AKIRIN2: variants seen among roughly 807,000 people sequenced by gnomAD.
The protein encoded by AKIRIN2 is akirin-2.
In AKIRIN2, 6 loss-of-function variants were observed where a neutral mutation model predicts 29.3. That is an observed-to-expected ratio of 0.20 (90% CI 0.11 to 0.40). The LOEUF (loss-of-function observed/expected upper bound fraction) is 0.40, where lower values mean the gene tolerates loss of function less well. Among genes scored for constraint, AKIRIN2 ranks in the 10% least tolerant of loss-of-function variants. The probability of loss-of-function intolerance (pLI) is 1.00; values close to 1 mark genes in which losing one functional copy is unlikely to be tolerated. For missense variants in AKIRIN2, 210 were observed against 276.1 expected, an observed-to-expected ratio of 0.76 and a Z score of 1.70; for synonymous variants, 128 against 117.5, an observed-to-expected ratio of 1.09 and a Z score of -0.58.
At position 87,701,602 on chromosome 6, in the gene AKIRIN2, G is replaced by C. The variant is rs768403412; in HGVS notation, c.83C>G (p.Ala28Gly). The change falls in exon 1 of 5, where the codon GCG becomes GGG. Residue 28 changes from alanine (A) to glycine (G), a missense_variant. By Grantham distance (60) the Ala-to-Gly change is moderately conservative. Coordinates refer to ENST00000257787, the MANE Select transcript of AKIRIN2 (RefSeq NM_018064.4). Reference sequence around the variant, plus strand: ...GGCCGAGGTGGGCGCCGACAATGGCGCACATCGCCTGCGCTTCGGGGACGC... The same window carrying C: ...GGCCGAGGTGGGCGCCGACAATGGCCCACATCGCCTGCGCTTCGGGGACGC... ...SPASPKRRRCAPLSAPTSAAA... is the reference protein window; with the variant it reads ...SPASPKRRRCGPLSAPTSAAA... 187 of 1,439,544 alleles carry C rather than the reference G, an allele frequency of 1.3e-4. No homozygotes were observed. Among genetic ancestry groups the C allele is most frequent in the Non-Finnish European group, 1.6e-4 (177 of 1,099,094 alleles). 89.2% of individuals were successfully genotyped at this position (1,439,544 alleles called of 1,614,324 possible).
intron 3 of AKIRIN2, 148 bp downstream of exon 3, chr6:87,677,667 TAAG>T (rs928413646): frequency 1.5e-5 from 14 of 908,882 alleles, no homozygotes; most frequent in African/African-American, 1.2e-4. Context: ...GCATGAGCTA[TAAG>T]AAGGTTAATT....
At chr6:87,695,506 C>G (rs759942041) in intron 1 of AKIRIN2, among the ~76,000 whole-genome samples, 11 of 152,300 alleles carry the variant, frequency 7.2e-5, no homozygotes, top group Non-Finnish European at 1.6e-4. Flanking sequence ...TTTTTAAAAG[C>G]AGGCGGTGCT....
intron 1 of AKIRIN2, among the ~76,000 whole-genome samples, chr6:87,701,102 GAAT>G (rs1771454281): frequency 6.6e-6 from 1 of 151,934 alleles, no homozygotes; most frequent in African/African-American, 2.4e-5. Context: ...CTAAATTTAC[GAAT>G]AATATCGTCC....
intron 1 of AKIRIN2, among the ~76,000 whole-genome samples, chr6:87,696,129 G>A (rs1395696712): frequency 6.6e-6 from 1 of 152,170 alleles, no homozygotes; most frequent in East Asian, 1.9e-4. Context: ...AGTGAGCCGA[G>A]ATTGTGCTGC....
chr6:87,700,393 G>C (rs867427416), intron 1 of AKIRIN2: 1 of 152,120 alleles, frequency 6.6e-6, no homozygotes, highest in African/African-American at 2.4e-5. Context: ...TTTGTCTAAA[G>C]GGTGATATTA....
chr6:87,680,247 C>T (rs1771095350), intron 2 of AKIRIN2, among the ~76,000 whole-genome samples: 1 of 150,674 alleles, frequency 6.6e-6, no homozygotes, highest in Non-Finnish European at 1.5e-5. Flanking sequence ...TTCATGTTTC[C>T]TAATCTAATT....
chr6:87,675,465 G>A lies in AKIRIN2; in HGVS notation c.*132C>T, dbSNP rs1396937790. 7.7e-7 allele frequency: 1 copy of A among 1,291,340 alleles called. No individual in the cohort carries two copies. The highest frequency in any genetic ancestry group is 1.9e-5 in the Admixed American group (1 of 51,984). The allele number at this position is 1,291,340 out of a possible 1,614,324, so 80.0% of individuals were successfully genotyped here. A position where few individuals can be genotyped will look rare whatever the true frequency, so the allele number is the denominator to read the frequency against. On this transcript the variant is annotated 3_prime_UTR_variant, in exon 5 of 5. Coordinates refer to ENST00000257787, the MANE Select transcript of AKIRIN2 (RefSeq NM_018064.4). ...AACCAGTTGCTGCTGCCTAAGAGTGGTTGCCACTGACGAAAGCTTGAAATA... is the reference window on the plus strand; with the variant it reads ...AACCAGTTGCTGCTGCCTAAGAGTGATTGCCACTGACGAAAGCTTGAAATA...
At chr6:87,691,441 A>T (rs56734830) in intron 1 of AKIRIN2, among the ~76,000 whole-genome samples, 9,566 of 45,780 alleles carry the variant, frequency 0.21, 266 homozygotes, top group African/African-American at 0.3. Context: ...ACCTCATCTT[A>T]AAAAAAAAAA....
In AKIRIN2 at chr6:87,701,945, G is replaced by A. The variant is rs1381004419; in HGVS notation, c.-261C>T. ...CAGAAGCACACGCCAGTCGCGTCAG[G>A]GGGGTTCTTCCGCCTCCTCAGGCGC... On this transcript the variant is annotated 5_prime_UTR_variant, in exon 1 of 5. Coordinates refer to ENST00000257787, the MANE Select transcript of AKIRIN2 (RefSeq NM_018064.4). The A allele has an allele frequency of 1.5e-5, 6 of 405,478 alleles. No individual in the cohort carries two copies. The highest frequency in any genetic ancestry group is 2.6e-5 in the Non-Finnish European group (6 of 229,738). 25.1% of individuals were successfully genotyped at this position (405,478 alleles called of 1,614,324 possible).
Position 87,701,938 on chromosome 6 carries a change from G to T in AKIRIN2, c.-254C>A. On this transcript the variant is annotated 5_prime_UTR_variant, in exon 1 of 5. Transcript: ENST00000257787. ...TGGCGGGCAGAAGCACACGCCAGTC[G>T]CGTCAGGGGGGTTCTTCCGCCTCCT... is the stretch of plus-strand genomic sequence containing the variant. 1 of 406,178 alleles carries T rather than the reference G, an allele frequency of 2.5e-6. No homozygotes were observed. The highest frequency in any genetic ancestry group is 4.3e-6 in the Non-Finnish European group (1 of 230,052). 25.2% of individuals were successfully genotyped at this position (406,178 alleles called of 1,614,324 possible).
At chr6:87,683,554 A>G (rs1043054770) in intron 1 of AKIRIN2, among the ~76,000 whole-genome samples, 1 of 152,246 alleles carries the variant, frequency 6.6e-6, no homozygotes, top group African/African-American at 2.4e-5. Flanking sequence ...GAGGTACCCA[A>G]TAAAACTAAT....
intron 3 of AKIRIN2, among the ~76,000 whole-genome samples, chr6:87,676,887 T>G (rs562148575): frequency 6.6e-6 from 1 of 151,056 alleles, no homozygotes; most frequent in South Asian, 2.1e-4. Flanking sequence ...CCATCCTGGC[T>G]AACACGGTGA....
intron 1 of AKIRIN2, among the ~76,000 whole-genome samples, chr6:87,690,397 T>C (rs2128302195): frequency 6.6e-6 from 1 of 152,320 alleles, no homozygotes; most frequent in East Asian, 1.9e-4. Context: ...GAATGGTTTT[T>C]GCAGTTGTCA....
intron 1 of AKIRIN2, among the ~76,000 whole-genome samples, chr6:87,695,709 A>G (rs575510664): frequency 1.6e-4 from 25 of 152,344 alleles, no homozygotes; most frequent in African/African-American, 6.0e-4. Context: ...CAACTATTCA[A>G]GAGGCCCAAA....
chr6:87,696,258 T>A (rs1771360429), intron 1 of AKIRIN2, among the ~76,000 whole-genome samples: 1 of 152,146 alleles, frequency 6.6e-6, no homozygotes, highest in African/African-American at 2.4e-5. Context: ...AAGAAATTTA[T>A]ATTATTCTCC....
chr6:87,684,869 A>C (rs536477389), intron 1 of AKIRIN2, among the ~76,000 whole-genome samples: 1 of 152,296 alleles, frequency 6.6e-6, no homozygotes, highest in African/African-American at 2.4e-5. Context: ...TCTTGGATAA[A>C]TACCTAGGAG....
chr6:87,693,971 A>G (rs1296864408), intron 1 of AKIRIN2, among the ~76,000 whole-genome samples: 2 of 152,188 alleles, frequency 1.3e-5, no homozygotes, highest in Non-Finnish European at 2.9e-5. Flanking sequence ...GGAACAAGAC[A>G]ATCTCCTATC....
chr6:87,695,573 A>G (rs1267233579), intron 1 of AKIRIN2, among the ~76,000 whole-genome samples: 3 of 152,190 alleles, frequency 2.0e-5, no homozygotes, highest in African/African-American at 7.2e-5. Flanking sequence ...TCTTTGAATC[A>G]ACAGTGCTAG....
In AKIRIN2 at chr6:87,677,917, T is replaced by C; in HGVS notation, c.430A>G (p.Thr144Ala). ...SPLKKEQPLF[T>A]LRQVGMICER... ...CAGATCATCCCAACCTGCCGTAGAG[T>C]AAATAAGGGCTGTTCTTTTTTTAAT... Residue 144 changes from threonine to alanine, a missense_variant, in exon 3 of 5, where the codon ACT becomes GCT. Physicochemically the swap from Thr to Ala is moderately conservative, Grantham distance 58. Around this residue, in one of 2 missense-constraint regions of AKIRIN2, gnomAD observed 199 missense variants for 236.5 expected, o/e 0.84. Transcript: ENST00000257787. 6.2e-7 allele frequency: 1 copy of C among 1,613,876 alleles called. No homozygotes were observed. The highest frequency in any genetic ancestry group is 8.5e-7 in the Non-Finnish European group (1 of 1,179,938).
Sources: allele counts gnomAD v4.1 joint callset (sites outside exome capture counted in the v4.1 genomes callset), GRCh38; gene constraint gnomAD v4.1.1; regional missense constraint gnomAD v4.1.1; transcripts MANE v1.5; gene names NCBI Gene and HGNC (gene_info 2026-07-23, HGNC 2026-07-21).